Variants in PDE1A observed in about 807,000 individuals in gnomAD.
PDE1A encodes the protein phosphodiesterase 1A.
Under a neutral mutation model 61.7 loss-of-function variants are expected in PDE1A, and 35 were observed. The ratio of observed to expected loss-of-function variants is 0.57; its 90% CI spans 0.43 to 0.75. The LOEUF is 0.75. Ranked by LOEUF, PDE1A falls within the 30% of genes least tolerant of loss-of-function variation. The pLI is 0.00. For synonymous variants in PDE1A, 232 were observed against 213.2 expected (o/e 1.09, Z -0.77); for missense variants, 597 against 630.6 (o/e 0.95, Z 0.57).
At chr2:182,711,618 C>A in the PDE1A span, among the ~76,000 whole-genome samples, 1 of 151,706 alleles carries the variant, frequency 6.6e-6, no homozygotes, top group East Asian at 2.0e-4. Context: ...TCCAAAGAAC[C>A]AAGGCTTCTT....
At chr2:182,246,394 CTTTTTTCTTTCTTTTTT>C (rs1690955445) in intron 2 of PDE1A, among the ~76,000 whole-genome samples, 1 of 105,366 alleles carries the variant, frequency 9.5e-6, no homozygotes, top group Non-Finnish European at 1.9e-5. Flanking sequence ...AGTCTTTTTT[CTTTTTTCTTTCTTTTTT>C]TTTTTTTTTT....
At chr2:182,315,523 T>C (rs1574330353) in intron 1 of PDE1A, among the ~76,000 whole-genome samples, 1 of 152,304 alleles carries the variant, frequency 6.6e-6, no homozygotes, top group African/African-American at 2.4e-5. Flanking sequence ...TTATTTTACA[T>C]GTATTGGTTG....
downstream of PDE1A, among the ~76,000 whole-genome samples, chr2:182,163,450 T>C (rs1559125984): frequency 6.6e-6 from 1 of 152,106 alleles, no homozygotes; most frequent in Non-Finnish European, 1.5e-5. Flanking sequence ...ACTTCATTGA[T>C]GATATTATGT....
At chr2:182,699,429 G>A in the PDE1A span, among the ~76,000 whole-genome samples, 1 of 152,116 alleles carries the variant, frequency 6.6e-6, no homozygotes, top group Non-Finnish European at 1.5e-5. Flanking sequence ...GAAGAATAAA[G>A]CACTGGTGAT....
At chr2:182,411,920 T>A (rs1354726216) in intron 1 of PDE1A, among the ~76,000 whole-genome samples, 19 of 151,956 alleles carry the variant, frequency 1.3e-4, no homozygotes, top group Admixed American at 1.2e-3. Context: ...TAGCCAGGTG[T>A]GGTGGCATGT....
intron 2 of PDE1A, among the ~76,000 whole-genome samples, chr2:182,442,910 T>C (rs1232013988): frequency 1.3e-5 from 2 of 152,102 alleles, no homozygotes; most frequent in African/African-American, 2.4e-5. Flanking sequence ...TCTGGGAGAA[T>C]GACATCTGTG....
At chr2:182,395,668 A>G (rs147529013) in intron 1 of PDE1A, among the ~76,000 whole-genome samples, 1,940 of 152,294 alleles carry the variant, frequency 0.013, 27 homozygotes, top group South Asian at 0.047. Flanking sequence ...CTGCTGTGCA[A>G]GCTGCTCTGC....
At chr2:182,186,207 C>CG in intron 12 of PDE1A, 128 bp from the exon 13 acceptor site, 1 of 958,882 alleles carries the variant, frequency 1.0e-6, no homozygotes, top group Non-Finnish European at 1.5e-6. Flanking sequence ...GTTCTGAGCA[C>CG]GTGGCAGCTG....
chr2:182,474,255 G>A (rs1320865038), intron 2 of PDE1A, among the ~76,000 whole-genome samples: 2 of 151,816 alleles, frequency 1.3e-5, no homozygotes, highest in African/African-American at 4.8e-5. Context: ...TTACTCTTTC[G>A]CTTCAGCTAA....
At chr2:182,669,816 C>G in the PDE1A span, among the ~76,000 whole-genome samples, 3 of 152,202 alleles carry the variant, frequency 2.0e-5, no homozygotes, top group African/African-American at 7.2e-5. Context: ...AAAATGCTCC[C>G]ATATGGCAGA....
At chr2:182,428,883 A>G (rs1379696575), upstream of PDE1A, among the ~76,000 whole-genome samples, 1 of 152,126 alleles carries the variant, frequency 6.6e-6, no homozygotes, top group East Asian at 1.9e-4. Flanking sequence ...CAATTTCTAC[A>G]TGAACACAAT....
the PDE1A span, among the ~76,000 whole-genome samples, chr2:182,532,111 T>TA: frequency 0.72 from 109,493 of 152,002 alleles, 42,091 homozygotes; most frequent in East Asian, 0.99. Context: ...ACCATTTTGG[T>TA]AAAAAAAATT....
chr2:182,620,332 C>A, the PDE1A span, among the ~76,000 whole-genome samples: 1 of 152,056 alleles, frequency 6.6e-6, no homozygotes, highest in African/African-American at 2.4e-5. Flanking sequence ...TTGTTTATTG[C>A]TTTCAGACAT....
upstream of PDE1A, among the ~76,000 whole-genome samples, chr2:182,524,482 C>A (rs1014958972): frequency 6.6e-6 from 1 of 152,066 alleles, no homozygotes. Flanking sequence ...AATTCATTTG[C>A]CCTTTGCTTT....
chr2:182,217,501 A>AT (rs1430827394), intron 7 of PDE1A, among the ~76,000 whole-genome samples: 26 of 139,134 alleles, frequency 1.9e-4, no homozygotes, highest in Non-Finnish European at 3.7e-4. Context: ...ATGGGAGAAA[A>AT]TTTTCGCAAC....
chr2:182,403,409 C>G (rs911355681), intron 1 of PDE1A, among the ~76,000 whole-genome samples: 1 of 152,018 alleles, frequency 6.6e-6, no homozygotes, highest in African/African-American at 2.4e-5. Context: ...ACCATCCTGG[C>G]TAACACGGTG....
At chr2:182,671,190 A>G in the PDE1A span, among the ~76,000 whole-genome samples, 1 of 144,270 alleles carries the variant, frequency 6.9e-6, no homozygotes, top group Non-Finnish European at 1.5e-5. Flanking sequence ...TTTTCTTTTG[A>G]GACGGTGTTC....
At chr2:182,636,969 T>G in the PDE1A span, among the ~76,000 whole-genome samples, 2 of 152,220 alleles carry the variant, frequency 1.3e-5, no homozygotes, top group African/African-American at 2.4e-5. Context: ...GTTGAATACC[T>G]CTGGCAATAA....
the PDE1A span, among the ~76,000 whole-genome samples, chr2:182,627,167 ATAATATTTATATATAAAATATAAATAT>A: frequency 0.22 from 8,928 of 41,148 alleles, 1,782 homozygotes; most frequent in Middle Eastern, 0.24. Context: ...TAAAATATAA[ATAATATTTATATATAAAATATAAATAT>A]TATATTATTT....
Sources: allele counts gnomAD v4.1 joint callset (sites outside exome capture counted in the v4.1 genomes callset), GRCh38; gene constraint gnomAD v4.1.1; transcripts MANE v1.5; gene names NCBI Gene and HGNC (gene_info 2026-07-23, HGNC 2026-07-21).